Variants in DLG2 observed in about 807,000 individuals in gnomAD.
DLG2 encodes disks large homolog 2.
DLG2 carries 45 observed loss-of-function variants against 132.5 expected under a neutral mutation model. The observed-to-expected ratio is 0.34, with a 90% CI of 0.27 to 0.44. DLG2 has a LOEUF of 0.44. DLG2 is among the 20% of genes least tolerant of loss of function. The pLI, the probability that DLG2 is intolerant of heterozygous loss-of-function variation, is 1.00. For synonymous variants in DLG2, 424 were observed against 419.6 expected (o/e 1.01, Z -0.13); for missense variants, 1,045 against 1,196.9 (o/e 0.87, Z 1.87).
In DLG2 at chr11:85,144,705, TAAAA is replaced by T. The variant is rs199885392; in HGVS notation, c.282+9847_282+9850del. ...ACAATGCACAAGCAAAGAGAAAACT[TAAAA>T]AAAAACTCTACACTTTATCCTCCAT... On this transcript the variant is annotated intron_variant, in intron 5 of 27. Transcript: ENST00000376104. 4.6e-5 allele frequency among the ~76,000 whole-genome samples: 7 copies of T among 151,326 alleles called. 1 individual carries two copies. Among genetic ancestry groups the T allele is most frequent in the African/African-American group, 1.2e-4 (5 of 41,246 alleles).
intron 11 of DLG2, among the ~76,000 whole-genome samples, chr11:84,028,193 T>G (rs760106810): frequency 1.3e-5 from 2 of 152,066 alleles, no homozygotes; most frequent in Non-Finnish European, 2.9e-5. Context: ...ATGATAATAA[T>G]GTACAGAGTC....
intron 15 of DLG2, among the ~76,000 whole-genome samples, chr11:83,897,883 A>G (rs1268260248): frequency 6.6e-6 from 1 of 152,216 alleles, no homozygotes; most frequent in Non-Finnish European, 1.5e-5. Context: ...TATACACATT[A>G]TCTTATTTAA....
At chr11:85,182,219 T>TTA (rs1239318374) in intron 4 of DLG2, among the ~76,000 whole-genome samples, 10 of 151,846 alleles carry the variant, frequency 6.6e-5, no homozygotes, top group Admixed American at 5.9e-4. Flanking sequence ...TCAACCCATT[T>TTA]TAACATGAGG....
At chr11:85,222,296 T>C (rs1030481373) in intron 4 of DLG2, among the ~76,000 whole-genome samples, 4 of 152,118 alleles carry the variant, frequency 2.6e-5, no homozygotes, top group Admixed American at 6.6e-5. Context: ...GGATAAATAA[T>C]ATATCCTAAG....
intron 6 of DLG2, among the ~76,000 whole-genome samples, chr11:84,632,439 GA>G (rs1304339016): frequency 2.0e-5 from 3 of 152,106 alleles, no homozygotes; most frequent in African/African-American, 7.2e-5. Flanking sequence ...AGTTGACCCA[GA>G]AAAAGAAGAG....
At chr11:84,621,417 G>A (rs1413432246) in intron 6 of DLG2, among the ~76,000 whole-genome samples, 2 of 152,096 alleles carry the variant, frequency 1.3e-5, no homozygotes, top group African/African-American at 4.8e-5. Flanking sequence ...CTGTGAGTAT[G>A]GAGAAGGAAT....
chr11:84,215,261 T>C lies in DLG2; in HGVS notation c.573+35977A>G, dbSNP rs1006593951. On this transcript the variant is annotated intron_variant, in intron 8 of 27. Coordinates refer to ENST00000376104, the MANE Select transcript of DLG2 (RefSeq NM_001142699.3). Reference sequence around the variant, plus strand: ...GAATTAGAAAACTTCCACCTGATCATAGTAGGCATAGTATCTTGGTCTGAA... The same window carrying C: ...GAATTAGAAAACTTCCACCTGATCACAGTAGGCATAGTATCTTGGTCTGAA... 2.0e-5 allele frequency among the ~76,000 whole-genome samples: 3 copies of C among 152,182 alleles called. No individual in the cohort carries two copies. The East Asian group carries it at 5.8e-4, about 29-fold the overall frequency.
intron 16 of DLG2, among the ~76,000 whole-genome samples, chr11:83,836,231 T>C (rs914841458): frequency 2.0e-5 from 3 of 152,158 alleles, no homozygotes; most frequent in African/African-American, 7.2e-5. Context: ...ACAATCTGCT[T>C]TACCCAGCCT....
intron 3 of DLG2, among the ~76,000 whole-genome samples, chr11:85,325,156 G>C (rs571637791): frequency 2.1e-5 from 3 of 141,356 alleles, no homozygotes; most frequent in Admixed American, 2.1e-4. Context: ...TAGCACAGCA[G>C]TCTGAGATCA....
chr11:84,012,648 G>C (rs1035774778), intron 11 of DLG2, among the ~76,000 whole-genome samples: 1 of 152,072 alleles, frequency 6.6e-6, no homozygotes, highest in Non-Finnish European at 1.5e-5. Flanking sequence ...AGGTTGAAGG[G>C]GAGAAAAGTA....
intron 18 of DLG2, among the ~76,000 whole-genome samples, chr11:83,776,013 A>C (rs960221761): frequency 2.6e-5 from 4 of 152,114 alleles, no homozygotes; most frequent in Non-Finnish European, 4.4e-5. Context: ...AATGGTGTGA[A>C]CCCAGGAGGT....
chr11:84,792,555 G>C (rs945656831), intron 6 of DLG2, among the ~76,000 whole-genome samples: 1 of 151,936 alleles, frequency 6.6e-6, no homozygotes, highest in Non-Finnish European at 1.5e-5. Context: ...TGGGTACCAG[G>C]TTTTTCTTTA....
rs547823521 is a variant in DLG2 at position 84,614,803 on chromosome 11, G to A, written c.358-80072C>T. Among the ~76,000 whole-genome samples, 26 of 152,198 alleles carry A rather than the reference G, an allele frequency of 1.7e-4. 1 individual carries two copies. Among genetic ancestry groups the A allele is most frequent in the African/African-American group, 4.6e-4 (19 of 41,544 alleles). ...TAACACAAGATGTGTCATGATTACC[G>A]TTATTTTGTCTTGCCATTTTGACCA... On this transcript the variant is annotated intron_variant, in intron 6 of 27. Transcript: ENST00000376104.
At chr11:83,805,195 C>G (rs1464943834) in intron 17 of DLG2, among the ~76,000 whole-genome samples, 1 of 152,028 alleles carries the variant, frequency 6.6e-6, no homozygotes, top group Non-Finnish European at 1.5e-5. Context: ...ATGTAAATAT[C>G]CTTTTTCCAG....
At chr11:84,053,961 T>C (rs915644695) in intron 11 of DLG2, among the ~76,000 whole-genome samples, 3 of 149,822 alleles carry the variant, frequency 2.0e-5, no homozygotes, top group Admixed American at 6.6e-5. Flanking sequence ...TAAAAACATT[T>C]TAAAAAATAA....
intron 6 of DLG2, among the ~76,000 whole-genome samples, chr11:84,983,834 T>C (rs1359788308): frequency 6.6e-6 from 1 of 152,048 alleles, no homozygotes; most frequent in African/African-American, 2.4e-5. Context: ...ATGGATGCAT[T>C]TATAGAAATG....
chr11:83,867,236 A>G (rs182641040), intron 16 of DLG2, among the ~76,000 whole-genome samples: 1 of 152,282 alleles, frequency 6.6e-6, no homozygotes, highest in Non-Finnish European at 1.5e-5. Context: ...CTCAAATCTC[A>G]GTTCTGCTAC....
chr11:84,851,440 T>C (rs1001527194), intron 6 of DLG2, among the ~76,000 whole-genome samples: 2 of 152,104 alleles, frequency 1.3e-5, no homozygotes, highest in Non-Finnish European at 2.9e-5. Flanking sequence ...CTCACTGGAA[T>C]TGAATTCCTG....
At chr11:83,846,554 G>C (rs2058641874) in intron 16 of DLG2, among the ~76,000 whole-genome samples, 1 of 152,122 alleles carries the variant, frequency 6.6e-6, no homozygotes, top group African/African-American at 2.4e-5. Context: ...CTTTGATTGA[G>C]GCTGTAACAT....
Sources: allele counts gnomAD v4.1 joint callset (sites outside exome capture counted in the v4.1 genomes callset), GRCh38; gene constraint gnomAD v4.1.1; transcripts MANE v1.5; gene names NCBI Gene and HGNC (gene_info 2026-07-23, HGNC 2026-07-21).